ZFYVE16: variants seen among roughly 807,000 people sequenced by gnomAD.
ZFYVE16 encodes zinc finger FYVE-type containing 16.
A neutral mutation model predicts 138.1 loss-of-function variants in ZFYVE16; 89 were observed. The observed-to-expected ratio is 0.64, with a 90% CI of 0.54 to 0.77. The LOEUF (loss-of-function observed/expected upper bound fraction) is 0.77, where lower values mean the gene tolerates loss of function less well. Among genes scored for constraint, ZFYVE16 ranks in the 30% least tolerant of loss-of-function variants. The probability of loss-of-function intolerance (pLI) is 0.00; values close to 1 mark genes in which losing one functional copy is unlikely to be tolerated. For synonymous variants in ZFYVE16, 596 were observed against 618.3 expected, an observed-to-expected ratio of 0.96 and a Z score of 0.53; for missense variants, 1,793 against 1,786.7, an observed-to-expected ratio of 1.00 and a Z score of -0.06.
intron 1 of ZFYVE16, among the ~76,000 whole-genome samples, chr5:80,425,017 T>C (rs999387737): frequency 2.0e-5 from 3 of 152,212 alleles, no homozygotes; most frequent in Non-Finnish European, 4.4e-5. Flanking sequence ...AGTTTTACAA[T>C]AGTGTGTCTA....
chr5:80,432,122 G>A (rs182446707), intron 2 of ZFYVE16, among the ~76,000 whole-genome samples: 268 of 152,224 alleles, frequency 1.8e-3, no homozygotes, highest in African/African-American at 5.7e-3. Flanking sequence ...GGCCCGCATT[G>A]CCAAGTCGAT....
Position 80,437,732 on chromosome 5 carries a change from A to C in ZFYVE16, c.1047A>C (p.Leu349Phe), listed in dbSNP as rs1203788794. The change falls in exon 4 of 19, where the codon TTA becomes TTC. Residue 349 changes from leucine (L) to phenylalanine (F), a missense_variant. Physicochemically the swap from Leu to Phe is conservative, Grantham distance 22. Coordinates refer to ENST00000505560, the MANE Select transcript of ZFYVE16 (RefSeq NM_001284236.3). The part of the protein sequence containing the change: ...KQSAQEDSKS[L>F]DLKDNDVIQD... ...CTGCACAAGAAGACTCAAAAAGTTT[A>C]GACCTTAAGGATAATGATGTAATCC... is the stretch of plus-strand genomic sequence containing the variant. 6.2e-7 allele frequency: 1 copy of C among 1,614,030 alleles called. No homozygotes were observed. The highest frequency in any genetic ancestry group is 8.5e-7 in the Non-Finnish European group (1 of 1,179,998).
intron 2 of ZFYVE16, among the ~76,000 whole-genome samples, chr5:80,431,597 G>C (rs971234661): frequency 6.6e-6 from 1 of 152,148 alleles, no homozygotes; most frequent in African/African-American, 2.4e-5. Context: ...GGGCACTCAG[G>C]CAGGAGAAGG....
chr5:80,454,129 C>T (rs1752266715), intron 11 of ZFYVE16: 1 of 152,018 alleles, frequency 6.6e-6, no homozygotes, highest in Admixed American at 6.5e-5. Context: ...AACTTAGTTG[C>T]CTTTTTAGAA....
chr5:80,427,081 G>A (rs1002557673), intron 1 of ZFYVE16, among the ~76,000 whole-genome samples: 2 of 149,936 alleles, frequency 1.3e-5, no homozygotes, highest in South Asian at 2.1e-4. Flanking sequence ...ATGGGGTCTC[G>A]CTATATTGCC....
intron 3 of ZFYVE16, among the ~76,000 whole-genome samples, chr5:80,435,524 A>G (rs1749771653): frequency 6.6e-6 from 1 of 152,254 alleles, no homozygotes; most frequent in Non-Finnish European, 1.5e-5. Context: ...AAGACGTTGG[A>G]TTGTTTTTTA....
chr5:80,432,897 G>A (rs960158439), intron 2 of ZFYVE16, among the ~76,000 whole-genome samples: 9 of 152,130 alleles, frequency 5.9e-5, no homozygotes, highest in Admixed American at 1.3e-4. Context: ...ATGAGATACC[G>A]TCTCACACCA....
intron 5 of ZFYVE16, chr5:80,440,377 C>T: frequency 1.0e-6 from 1 of 1,000,572 alleles, no homozygotes; most frequent in South Asian, 4.4e-5. Context: ...CAGATACCTA[C>T]CAATAGTAGT....
rs1339781189 is a variant in ZFYVE16, at chr5:80,466,729, C to T, written c.4025-6032C>T. Among the ~76,000 whole-genome samples the T allele has an allele frequency of 5.9e-5, 9 of 152,022 alleles. No individual in the cohort carries two copies. In the South Asian group the frequency reaches 6.2e-4, roughly 10 times the overall value. ...TGGAGGATGACATTAGTGAAAGTTG[C>T]GACACTGAAAACCTCAAAAAATACT... On this transcript the variant is annotated intron_variant, in intron 15 of 18. Coordinates refer to ENST00000505560, the MANE Select transcript of ZFYVE16 (RefSeq NM_001284236.3).
At chr5:80,421,089 GTCT>G (rs1205394034) in intron 1 of ZFYVE16, among the ~76,000 whole-genome samples, 1 of 152,204 alleles carries the variant, frequency 6.6e-6, no homozygotes, top group South Asian at 2.1e-4. Context: ...CTACATAAAT[GTCT>G]TCTTTTGAGA....
chr5:80,424,816 G>GC (rs1196324234), intron 1 of ZFYVE16, among the ~76,000 whole-genome samples: 1 of 152,124 alleles, frequency 6.6e-6, no homozygotes, highest in African/African-American at 2.4e-5. Flanking sequence ...TCTTCTATGT[G>GC]CGTGGTATAA....
chr5:80,439,950 CTGTT>C lies in ZFYVE16; in HGVS notation c.2338_2341del (p.Cys780ValfsTer10). The stretch of plus-strand genomic sequence containing the variant: ...ATTCTTTATAGGTATTTTGTGGTGT[CTGTT>C]GTAATAGGAAGTGTAAACTGCAATA... On this transcript the variant is annotated frameshift_variant, in exon 5 of 19. Coordinates refer to ENST00000505560, the MANE Select transcript of ZFYVE16 (RefSeq NM_001284236.3). LOFTEE classifies it high-confidence loss of function. The C allele has an allele frequency of 2.5e-6, 4 of 1,607,826 alleles. No individual in the cohort carries two copies. The highest frequency in any genetic ancestry group is 3.4e-6 in the Non-Finnish European group (4 of 1,176,982).
At chr5:80,450,635 G>T (rs1751889352) in intron 10 of ZFYVE16, 49 bp downstream of exon 10, 1 of 1,560,998 alleles carries the variant, frequency 6.4e-7, no homozygotes, top group African/African-American at 1.4e-5. Context: ...GGATAAATTA[G>T]TTAAAGGCAT....
chr5:80,472,952 T>C, intron 16 of ZFYVE16, 29 bp downstream of exon 16: 2 of 1,551,516 alleles, frequency 1.3e-6, no homozygotes, highest in Non-Finnish European at 1.7e-6. Flanking sequence ...TAAAATATAA[T>C]TGATTTGAAG....
Position 80,434,140 on chromosome 5 carries a change from C to T in ZFYVE16, c.-8C>T. 6.2e-7 allele frequency: 1 copy of T among 1,610,596 alleles called. No homozygotes were observed. Among genetic ancestry groups the T allele is most frequent in the Non-Finnish European group, 8.5e-7 (1 of 1,177,802 alleles). ...AAGAATTAAATTCTGAATAAGTCTGCAGGTAGGATGGACAGTTATTTTAAA... is the reference window on the plus strand; with the variant it reads ...AAGAATTAAATTCTGAATAAGTCTGTAGGTAGGATGGACAGTTATTTTAAA... On this transcript the variant is annotated 5_prime_UTR_variant, in exon 3 of 19. Coordinates refer to ENST00000505560, the MANE Select transcript of ZFYVE16 (RefSeq NM_001284236.3).
At chr5:80,433,061 A>G (rs937329034) in intron 2 of ZFYVE16, among the ~76,000 whole-genome samples, 13 of 152,186 alleles carry the variant, frequency 8.5e-5, no homozygotes, top group African/African-American at 3.1e-4. Flanking sequence ...TAGAAATACC[A>G]TTTGACCCAG....
intron 3 of ZFYVE16, chr5:80,435,848 T>C (rs554683282): frequency 7.3e-6 from 2 of 274,776 alleles, no homozygotes; most frequent in South Asian, 2.9e-5. Flanking sequence ...GCGCTGGGAT[T>C]ACAGTTGTAA....
chr5:80,473,640 A>C (rs1754599397), intron 16 of ZFYVE16, 114 bp from the exon 17 acceptor site: 1 of 647,344 alleles, frequency 1.5e-6, no homozygotes, highest in Non-Finnish European at 2.5e-6. Context: ...TTTGTATATA[A>C]TTGACATATC....
chr5:80,426,268 GTGTGTATA>G (rs755901418), intron 1 of ZFYVE16, among the ~76,000 whole-genome samples: 1,648 of 50,188 alleles, frequency 0.033, 28 homozygotes, highest in East Asian at 0.15. Context: ...GTGTGTGTGT[GTGTGTATA>G]TATATATATA....
Sources: gnomAD v4.1 joint callset for allele counts (sites outside exome capture counted in the v4.1 genomes callset) on GRCh38, gnomAD v4.1.1 for gene constraint, MANE v1.5 for transcripts, NCBI Gene and HGNC (gene_info 2026-07-23, HGNC 2026-07-21) for gene names.